The following MS4A12 variants were observed in gnomAD, a reference collection of about 807,000 sequenced individuals.
The protein encoded by MS4A12 is membrane-spanning 4-domains subfamily A member 12.
In MS4A12, 28 loss-of-function variants were observed where a neutral mutation model predicts 23.7. That is an observed-to-expected ratio of 1.18 (90% CI 0.88 to 1.62). The LOEUF is 1.62. Among genes scored for constraint, MS4A12 ranks in the 40% most tolerant of loss-of-function variants. The pLI is 0.00. For synonymous variants in MS4A12, 108 were observed against 110.1 expected, an observed-to-expected ratio of 0.98 and a Z score of 0.12; for missense variants, 342 against 327.0, an observed-to-expected ratio of 1.05 and a Z score of -0.35.
intron 4 of MS4A12, among the ~76,000 whole-genome samples, chr11:60,503,106 A>G (rs1435662274): frequency 2.0e-5 from 3 of 152,178 alleles, no homozygotes; most frequent in African/African-American, 7.2e-5. Flanking sequence ...GCATGTTAAA[A>G]TCCTATTGTA....
chr11:60,495,565 G>C (rs2086482282), intron 1 of MS4A12, among the ~76,000 whole-genome samples: 2 of 151,938 alleles, frequency 1.3e-5, no homozygotes, highest in African/African-American at 4.8e-5. Flanking sequence ...ACTTTGCAGA[G>C]AATAACTCTT....
chr11:60,501,285 A>G, intron 3 of MS4A12, 103 bp downstream of exon 3: 1 of 1,278,882 alleles, frequency 7.8e-7, no homozygotes, highest in South Asian at 1.7e-5. Context: ...TCATTTCTTG[A>G]TAAAGCCCTA....
chr11:60,496,390 T>C (rs2086487757), intron 1 of MS4A12, among the ~76,000 whole-genome samples: 1 of 152,244 alleles, frequency 6.6e-6, no homozygotes, highest in South Asian at 2.1e-4. Flanking sequence ...TAATAGTCAT[T>C]GTTGTCCATA....
At chr11:60,498,652 G>A (rs1360591205) in intron 2 of MS4A12, among the ~76,000 whole-genome samples, 1 of 152,164 alleles carries the variant, frequency 6.6e-6, no homozygotes. Context: ...AGGAAGTAAA[G>A]TACTTAGTGT....
intron 1 of MS4A12, among the ~76,000 whole-genome samples, chr11:60,494,528 T>C (rs904782834): frequency 6.6e-6 from 1 of 152,256 alleles, no homozygotes; most frequent in African/African-American, 2.4e-5. Flanking sequence ...TCTTTGCTCT[T>C]GAAATTGACC....
intron 2 of MS4A12, among the ~76,000 whole-genome samples, chr11:60,500,026 T>C (rs946820959): frequency 6.7e-6 from 1 of 148,344 alleles, no homozygotes; most frequent in Non-Finnish European, 1.5e-5. Flanking sequence ...GATCAAGAGG[T>C]CAGAAGATCC....
rs201122448 is a variant in MS4A12, at chr11:60,501,131, T to G, written c.363T>G (p.Gly121=). ...CCTTCTCTTTTAGAGAAGTATTAGGTTTTGCCTCTACTGCTGTTATTGGTG... is the reference window on the plus strand; with the variant it reads ...CCTTCTCTTTTAGAGAAGTATTAGGGTTTGCCTCTACTGCTGTTATTGGTG... The part of the protein sequence containing the change: ...LISFSFREVL[G]FASTAVIGGY... Residue 121 remains glycine, a synonymous_variant, in exon 3 of 7, where the codon GGT becomes GGG. Coordinates refer to ENST00000016913, the MANE Select transcript of MS4A12 (RefSeq NM_017716.3). The G allele has an allele frequency of 7.4e-6, 12 of 1,613,538 alleles. No individual in the cohort carries two copies. Among genetic ancestry groups the G allele is most frequent in the Non-Finnish European group, 1.0e-5 (12 of 1,179,878 alleles).
At chr11:60,498,749 G>T (rs750969756) in intron 2 of MS4A12, among the ~76,000 whole-genome samples, 1 of 152,236 alleles carries the variant, frequency 6.6e-6, no homozygotes, top group Non-Finnish European at 1.5e-5. Context: ...GCAATTTCAA[G>T]GTGGTCAGAA....
In MS4A12 at chr11:60,507,389, T is replaced by G; in HGVS notation, c.*265T>G. The G allele has an allele frequency of 2.5e-6, 1 of 398,366 alleles. No individual in the cohort carries two copies. Among genetic ancestry groups the G allele is most frequent in the Non-Finnish European group, 4.5e-6 (1 of 222,716 alleles). 24.7% of individuals were successfully genotyped at this position (398,366 alleles called of 1,614,324 possible). A position where few individuals can be genotyped will look rare whatever the true frequency, so the allele number is the denominator to read the frequency against. ...CTCTTAAAGTTAGAAATGTTTCTGT[T>G]CATATTACTTTTTCCTTAATAAAAT... On this transcript the variant is annotated 3_prime_UTR_variant, in exon 7 of 7. Transcript: ENST00000016913.
chr11:60,505,288 G>A (rs1941021), intron 5 of MS4A12, among the ~76,000 whole-genome samples: 91,789 of 151,730 alleles, frequency 0.6, 28,298 homozygotes, highest in African/African-American at 0.72. Flanking sequence ...CCCATTCACT[G>A]TCACAAGAAC....
At chr11:60,500,795 C>A (rs768313854) in intron 2 of MS4A12, among the ~76,000 whole-genome samples, 1 of 152,140 alleles carries the variant, frequency 6.6e-6, no homozygotes, top group African/African-American at 2.4e-5. Context: ...CTGAAGAATT[C>A]TTCTTGGGCC....
At position 60,507,356 on chromosome 11, in the gene MS4A12, C is replaced by G. The variant is rs562302627; in HGVS notation, c.*232C>G. On this transcript the variant is annotated 3_prime_UTR_variant, in exon 7 of 7. Coordinates refer to ENST00000016913, the MANE Select transcript of MS4A12 (RefSeq NM_017716.3). ...AGGATCAGAGGACTGAAAAATGATTCTGCAACTCTCTTAAAGTTAGAAATG... is the reference window on the plus strand; with the variant it reads ...AGGATCAGAGGACTGAAAAATGATTGTGCAACTCTCTTAAAGTTAGAAATG... 6 of 490,330 alleles carry G rather than the reference C, an allele frequency of 1.2e-5. No homozygotes were observed. The South Asian group carries it at 1.8e-4, about 15-fold the overall frequency. The allele number at this position is 490,330 out of a possible 1,614,324, so 30.4% of individuals were successfully genotyped here. A position where few individuals can be genotyped will look rare whatever the true frequency, so the allele number is the denominator to read the frequency against.
rs369153107 is a variant in MS4A12 at position 60,497,515 on chromosome 11, G to A, written c.197G>A (p.Gly66Asp). 5 of 1,614,016 alleles carry A rather than the reference G, an allele frequency of 3.1e-6. No homozygotes were observed. The African/African-American group carries it at 4.0e-5, about 13-fold the overall frequency. Residue 66 changes from glycine to aspartate, a missense_variant, in exon 2 of 7, where the codon GGT becomes GAT. Transcript: ENST00000016913. ...GGAATCTTTGCTAGCAGTCAACCGG[G>A]TCAAGGAAATATACAAATGATAAAT... The part of the protein sequence containing the change: ...SPGIFASSQP[G>D]QGNIQMINPS...
At chr11:60,498,581 G>A (rs759403348) in intron 2 of MS4A12, among the ~76,000 whole-genome samples, 1 of 152,172 alleles carries the variant, frequency 6.6e-6, no homozygotes, top group Non-Finnish European at 1.5e-5. Flanking sequence ...CAAAGGAGGT[G>A]CAATCTCTGC....
At chr11:60,502,650 AT>A (rs1270436480) in intron 4 of MS4A12, among the ~76,000 whole-genome samples, 1 of 152,206 alleles carries the variant, frequency 6.6e-6, no homozygotes, top group Non-Finnish European at 1.5e-5. Flanking sequence ...AAAGAAAGTG[AT>A]TTATCAAGAA....
At chr11:60,506,585 A>G in intron 5 of MS4A12, 143 bp from the exon 6 acceptor site, 1 of 621,364 alleles carries the variant, frequency 1.6e-6, no homozygotes, top group Non-Finnish European at 2.8e-6. Context: ...CTCCTCTGGA[A>G]CAAGCATTTG....
chr11:60,506,763 C>T lies in MS4A12; in HGVS notation c.624C>T (p.Ile208=), dbSNP rs1313072224. 1.2e-6 allele frequency: 2 copies of T among 1,614,144 alleles called. No homozygotes were observed. Among genetic ancestry groups the T allele is most frequent in the South Asian group, 1.1e-5 (1 of 91,066 alleles). ...AAGGCATTTCAGCCACGCTGATGATCTTCTCCCTCTTGGAGTTCTTCGTAG... is the reference window on the plus strand; with the variant it reads ...AAGGCATTTCAGCCACGCTGATGATTTTCTCCCTCTTGGAGTTCTTCGTAG... ...SGKGISATLM[I]FSLLEFFVAC... The change falls in exon 6 of 7, where the codon ATC becomes ATT. Residue 208 remains isoleucine (I), a synonymous_variant. Coordinates refer to ENST00000016913, the MANE Select transcript of MS4A12 (RefSeq NM_017716.3).
chr11:60,495,311 A>G (rs892067189), intron 1 of MS4A12, among the ~76,000 whole-genome samples: 4 of 151,586 alleles, frequency 2.6e-5, no homozygotes, highest in Non-Finnish European at 5.9e-5. Context: ...CTCTGTAATC[A>G]GATATTTCAG....
chr11:60,507,218 T>C lies in MS4A12; in HGVS notation c.*94T>C. On this transcript the variant is annotated 3_prime_UTR_variant, in exon 7 of 7. Coordinates refer to ENST00000016913, the MANE Select transcript of MS4A12 (RefSeq NM_017716.3). The stretch of plus-strand genomic sequence containing the variant: ...GTCTTTTATTGTCTACAATGATTTC[T>C]AGTCTTTAAAAACTGTGTTTGAGAT... 1.2e-5 allele frequency: 12 copies of C among 1,038,064 alleles called. No homozygotes were observed. The highest frequency in any genetic ancestry group is 3.2e-5 in the African/African-American group (2 of 62,472). The allele number at this position is 1,038,064 out of a possible 1,614,324, so 64.3% of individuals were successfully genotyped here. A position where few individuals can be genotyped will look rare whatever the true frequency, so the allele number is the denominator to read the frequency against.
Sources: gnomAD v4.1 joint callset for allele counts (sites outside exome capture counted in the v4.1 genomes callset) on GRCh38, gnomAD v4.1.1 for gene constraint, MANE v1.5 for transcripts, NCBI Gene and HGNC (gene_info 2026-07-23, HGNC 2026-07-21) for gene names.